The following SOAT1 variants were observed in gnomAD, a reference collection of about 807,000 sequenced individuals.
SOAT1 encodes the protein sterol O-acyltransferase 1, also known as acyl-coenzyme A:cholesterol acyltransferase 1.
A neutral mutation model predicts 69.5 loss-of-function variants in SOAT1; 55 were observed. The observed-to-expected ratio is 0.79, with a 90% CI of 0.64 to 0.99. The LOEUF is 0.99. Among genes scored for constraint, SOAT1 ranks in the 50% least tolerant of loss-of-function variants. SOAT1 has a pLI of 0.00. For synonymous variants in SOAT1, 231 were observed against 224.7 expected, an observed-to-expected ratio of 1.03 and a Z score of -0.25; for missense variants, 580 against 669.3, an observed-to-expected ratio of 0.87 and a Z score of 1.47.
chr1:179,338,355 C>G (rs933326216), intron 5 of SOAT1, among the ~76,000 whole-genome samples: 1 of 152,188 alleles, frequency 6.6e-6, no homozygotes, highest in African/African-American at 2.4e-5. Context: ...TGCCCCTGCA[C>G]TCCAGCCTGA....
chr1:179,296,540 A>T (rs980775505), intron 1 of SOAT1, among the ~76,000 whole-genome samples: 2 of 152,204 alleles, frequency 1.3e-5, no homozygotes, highest in African/African-American at 4.8e-5. Context: ...AACCATACAG[A>T]TGTAAATGAG....
chr1:179,314,721 G>T (rs978702533), intron 2 of SOAT1, among the ~76,000 whole-genome samples: 4 of 152,022 alleles, frequency 2.6e-5, no homozygotes, highest in African/African-American at 9.7e-5. Flanking sequence ...GAGCCAGCAC[G>T]CCTGGAGTCT....
At position 179,298,130 on chromosome 1, in the gene SOAT1, A is replaced by ACTTAC. The variant is rs111304002; in HGVS notation, c.-9+4197_-9+4198insACCTT. Among the ~76,000 whole-genome samples the ACTTAC allele has an allele frequency of 3.1e-3, 475 of 151,982 alleles. 6 individuals are homozygous for ACTTAC. Among genetic ancestry groups the ACTTAC allele is most frequent in the African/African-American group, 0.011 (441 of 41,448 alleles). On this transcript the variant is annotated intron_variant, in intron 1 of 15. Coordinates refer to ENST00000367619, the MANE Select transcript of SOAT1 (RefSeq NM_003101.6). Reference sequence around the variant, plus strand: ...TTAAGTTGTGAAGTGACTTGATCTAACTTGAGTGCAATGGTGTGATTGAGG... The same window carrying ACTTAC: ...TTAAGTTGTGAAGTGACTTGATCTAACTTACCTTGAGTGCAATGGTGTGATTGAGG...
At chr1:179,294,887 CT>C (rs549697333) in intron 1 of SOAT1, among the ~76,000 whole-genome samples, 35 of 151,990 alleles carry the variant, frequency 2.3e-4, no homozygotes, top group Middle Eastern at 3.4e-3. Flanking sequence ...CCACTTTTTT[CT>C]TTTTTTCAGC....
intron 2 of SOAT1, among the ~76,000 whole-genome samples, chr1:179,320,787 G>A (rs1190188734): frequency 2.0e-5 from 3 of 151,974 alleles, no homozygotes; most frequent in African/African-American, 7.3e-5. Context: ...TCAAGCTGGA[G>A]TGCAGTGGCA....
In SOAT1 at chr1:179,344,352, G is replaced by GTTTTTTTTTTTTT. The variant is rs762911049; in HGVS notation, c.988-595_988-594insTTTTTTTTTTTTT. On this transcript the variant is annotated intron_variant, in intron 10 of 15. Coordinates refer to ENST00000367619, the MANE Select transcript of SOAT1 (RefSeq NM_003101.6). ...TATGAAGTAAGTTCTTTCATTAAGG[G>GTTTTTTTTTTTTT]GTTTTTTTTTTTTTTTTTTTTTTTT... is the stretch of plus-strand genomic sequence containing the variant. 6.6e-5 allele frequency among the ~76,000 whole-genome samples: 8 copies of GTTTTTTTTTTTTT among 120,554 alleles called. 1 individual carries two copies. Among genetic ancestry groups the GTTTTTTTTTTTTT allele is most frequent in the South Asian group, 2.9e-4 (1 of 3,500 alleles). The allele number at this position is 120,554 out of a possible 152,430, so 79.1% of individuals were successfully genotyped here.
intron 5 of SOAT1, among the ~76,000 whole-genome samples, chr1:179,338,369 C>G (rs1481251854): frequency 6.6e-6 from 1 of 152,070 alleles, no homozygotes; most frequent in African/African-American, 2.4e-5. Flanking sequence ...AGCCTGAGCA[C>G]CAGGTGCAAC....
In SOAT1 at chr1:179,335,660, A is replaced by G; in HGVS notation, c.329+3A>G. On this transcript the variant is annotated splice_donor_region_variant and intron_variant, in intron 4 of 15. Transcript: ENST00000367619. ...GAGAAAAACAACCATAGAGCGAAGT[A>G]AGTATGTGCTATTTTCTTTTAATGC... 6.2e-7 allele frequency: 1 copy of G among 1,608,468 alleles called. No individual in the cohort carries two copies. The highest frequency in any genetic ancestry group is 8.5e-7 in the Non-Finnish European group (1 of 1,177,764).
intron 2 of SOAT1, among the ~76,000 whole-genome samples, chr1:179,316,129 A>G (rs1665384321): frequency 6.6e-6 from 1 of 152,066 alleles, no homozygotes; most frequent in African/African-American, 2.4e-5. Flanking sequence ...CCATCTTCCA[A>G]TATCAGCTCA....
At chr1:179,353,465 G>A (rs1027405259) in intron 15 of SOAT1, 120 bp from the exon 16 acceptor site, 3 of 850,610 alleles carry the variant, frequency 3.5e-6, no homozygotes, top group South Asian at 1.4e-5. Context: ...GAGGGTTGTT[G>A]AAATGGTGGG....
intron 1 of SOAT1, among the ~76,000 whole-genome samples, chr1:179,299,745 CTTTTTTTTT>C (rs1162260815): frequency 2.9e-5 from 2 of 69,518 alleles, no homozygotes; most frequent in Admixed American, 2.4e-4. Flanking sequence ...ATTTTGCTAT[CTTTTTTTTT>C]TTTTTTTTTT....
intron 4 of SOAT1, 46 bp downstream of exon 4, chr1:179,335,703 A>G: frequency 6.6e-7 from 1 of 1,514,146 alleles, no homozygotes; most frequent in Non-Finnish European, 8.9e-7. Context: ...TACTCAGTAT[A>G]GTTCAATGGT....
At position 179,358,528 on chromosome 1, in the gene SOAT1, G is replaced by A. The variant is rs2125013606; in HGVS notation, c.*4887G>A. 6.6e-6 allele frequency: 1 copy of A among 152,296 alleles called. No homozygotes were observed. The highest frequency in any genetic ancestry group is 2.1e-4 in the South Asian group (1 of 4,826). 9.4% of individuals were successfully genotyped at this position (152,296 alleles called of 1,614,324 possible). ...GTGCCAATTTTGGATTGGGAAAGGA[G>A]CTGAAGCCCCAGTCAAGACTTTGCC... On this transcript the variant is annotated 3_prime_UTR_variant, in exon 16 of 16. Transcript: ENST00000367619.
At chr1:179,351,720 A>ATTTTTTTT (rs1558061106) in intron 15 of SOAT1, among the ~76,000 whole-genome samples, 14 of 43,482 alleles carry the variant, frequency 3.2e-4, no homozygotes, top group African/African-American at 1.3e-3. Flanking sequence ...AGCCCCTTCT[A>ATTTTTTTT]ATTTTTTTTT....
chr1:179,298,166 C>T (rs185418280), intron 1 of SOAT1, among the ~76,000 whole-genome samples: 1 of 151,520 alleles, frequency 6.6e-6, no homozygotes, highest in African/African-American at 2.4e-5. Context: ...TTCACTGCAA[C>T]CTCCACCTCC....
chr1:179,331,039 A>G (rs9804166), intron 3 of SOAT1, among the ~76,000 whole-genome samples: 39,709 of 152,100 alleles, frequency 0.26, 5,348 homozygotes, highest in East Asian at 0.46. Flanking sequence ...AACAGTTTCT[A>G]CTATGGCTGT....
At chr1:179,339,711 T>C (rs752713513) in intron 6 of SOAT1, among the ~76,000 whole-genome samples, 166 bp downstream of exon 6, 2 of 152,190 alleles carry the variant, frequency 1.3e-5, no homozygotes, top group Non-Finnish European at 2.9e-5. Flanking sequence ...ATGGAGAAAA[T>C]TAGAAGTTTC....
At chr1:179,316,615 A>C (rs918187730) in intron 2 of SOAT1, among the ~76,000 whole-genome samples, 9 of 151,984 alleles carry the variant, frequency 5.9e-5, no homozygotes, top group Non-Finnish European at 1.0e-4. Context: ...CTGGTCTCAA[A>C]CTGCCGACCT....
intron 2 of SOAT1, among the ~76,000 whole-genome samples, chr1:179,317,151 T>C (rs903768128): frequency 3.3e-5 from 5 of 152,224 alleles, no homozygotes; most frequent in Non-Finnish European, 7.3e-5. Context: ...GTGTATTTTT[T>C]CTGGGAAATT....
Sources: gnomAD v4.1 joint callset for allele counts (sites outside exome capture counted in the v4.1 genomes callset) on GRCh38, gnomAD v4.1.1 for gene constraint, MANE v1.5 for transcripts, NCBI Gene and HGNC (gene_info 2026-07-23, HGNC 2026-07-21) for gene names.